The following FARP2 variants were observed in gnomAD, a reference collection of about 807,000 sequenced individuals.
FARP2 encodes FERM, ARH/RhoGEF and pleckstrin domain protein 2.
A neutral mutation model predicts 130.5 loss-of-function variants in FARP2; 111 were observed. The observed-to-expected ratio is 0.85, with a 90% CI of 0.73 to 1.00. The LOEUF is 1.00. Among genes scored for constraint, FARP2 ranks in the 50% least tolerant of loss-of-function variants. FARP2 has a pLI of 0.00. For missense variants in FARP2, 1,385 were observed against 1,346.3 expected, an observed-to-expected ratio of 1.03 and a Z score of -0.45; for synonymous variants, 504 against 516.9, an observed-to-expected ratio of 0.98 and a Z score of 0.34.
chr2:241,426,470 G>T (rs1188998716), intron 8 of FARP2, among the ~76,000 whole-genome samples: 1 of 152,176 alleles, frequency 6.6e-6, no homozygotes. Flanking sequence ...GGAGGGGTAG[G>T]TGTGAGGTAT....
chr2:241,413,180 T>C (rs1574771527), intron 6 of FARP2, 127 bp from the exon 7 acceptor site: 2 of 596,986 alleles, frequency 3.4e-6, no homozygotes, highest in East Asian at 2.8e-5. Flanking sequence ...AAATCTTGCT[T>C]TTTTAGGGAT....
Position 241,475,716 on chromosome 2 carries a change from C to T in FARP2, c.2132-141C>T, listed in dbSNP as rs889491832. ...CCCTGGTACCAAAAATGTTGGGGAC[C>T]GCTGCTATAAGGAGTCGAGTAGGAT... On this transcript the variant is annotated intron_variant, in intron 18 of 26. Transcript: ENST00000264042. This position sits in a 1 kb window ranked among gnomAD's most constrained non-coding sequence, Gnocchi z 4.4. 7 of 618,906 alleles carry T rather than the reference C, an allele frequency of 1.1e-5. No individual in the cohort carries two copies. The highest frequency in any genetic ancestry group is 1.9e-5 in the African/African-American group (1 of 52,026). The allele number at this position is 618,906 out of a possible 1,614,324, so 38.3% of individuals were successfully genotyped here. A position where few individuals can be genotyped will look rare whatever the true frequency, so the allele number is the denominator to read the frequency against.
At chr2:241,490,230 G>A (rs2064859018) in intron 22 of FARP2, among the ~76,000 whole-genome samples, 186 bp downstream of exon 22, 1 of 152,182 alleles carries the variant, frequency 6.6e-6, no homozygotes, top group African/African-American at 2.4e-5. Flanking sequence ...CTTGTCAGGG[G>A]CAGGGCTGCT....
intron 2 of FARP2, among the ~76,000 whole-genome samples, chr2:241,393,208 C>G (rs776767012): frequency 5.3e-5 from 8 of 151,902 alleles, no homozygotes; most frequent in Non-Finnish European, 7.4e-5. Flanking sequence ...TTAGTAGAGA[C>G]AGGGTTTCAC....
intron 17 of FARP2, among the ~76,000 whole-genome samples, chr2:241,467,057 C>G (rs1186176939): frequency 1.3e-5 from 2 of 151,646 alleles, no homozygotes; most frequent in Non-Finnish European, 2.9e-5. Context: ...GAGTTTGAAA[C>G]CAGCCTGGCC....
chr2:241,484,295 C>T lies in FARP2; in HGVS notation c.2385C>T (p.Phe795=). 6.2e-7 allele frequency: 1 copy of T among 1,614,170 alleles called. No individual in the cohort carries two copies. Among genetic ancestry groups the T allele is most frequent in the Non-Finnish European group, 8.5e-7 (1 of 1,180,004 alleles). Residue 795 remains phenylalanine, a synonymous_variant, in exon 21 of 27, where the codon TTC becomes TTT. Transcript: ENST00000264042. ...AAGGAGTTGCAGGGACCAGCCACTT[C>T]CGGATCCGGGGCCTCCTTCCCCTCC... The part of the protein sequence containing the change: ...TSKGVAGTSH[F]RIRGLLPLQG...
In FARP2 at chr2:241,491,079, G is replaced by T. The variant is rs761200903; in HGVS notation, c.2523G>T (p.Glu841Asp). 3 of 1,613,416 alleles carry T rather than the reference G, an allele frequency of 1.9e-6. No individual in the cohort carries two copies. The highest frequency in any genetic ancestry group is 2.5e-6 in the Non-Finnish European group (3 of 1,179,906). ...CCTGCAGCACTCGGCTGGAGAAAGA[G>T]AAGTGGATGCTGGACCTGAACTCCG... ...VVAASTRLEK[E>D]KWMLDLNSAI... The change falls in exon 23 of 27, where the codon GAG (glutamate) becomes GAT (aspartate). Residue 841 changes from glutamate (E) to aspartate (D), a missense_variant. Coordinates refer to ENST00000264042, the MANE Select transcript of FARP2 (RefSeq NM_014808.4).
At chr2:241,398,039 G>T (rs2150339363) in intron 2 of FARP2, among the ~76,000 whole-genome samples, 1 of 151,720 alleles carries the variant, frequency 6.6e-6, no homozygotes, top group African/African-American at 2.4e-5. Flanking sequence ...CACCATGTTA[G>T]CCAGGATGGT....
intron 2 of FARP2, among the ~76,000 whole-genome samples, chr2:241,381,711 C>G (rs574609379): frequency 6.6e-6 from 1 of 152,340 alleles, no homozygotes; most frequent in African/African-American, 2.4e-5. Flanking sequence ...ACAGTGATCT[C>G]TGTTCTTTGA....
At chr2:241,359,782 C>A (rs1217182581) in intron 1 of FARP2, among the ~76,000 whole-genome samples, 4 of 152,194 alleles carry the variant, frequency 2.6e-5, no homozygotes, top group Non-Finnish European at 5.9e-5. Flanking sequence ...GGGGTTGAGG[C>A]CGCTTGTGGA....
intron 8 of FARP2, among the ~76,000 whole-genome samples, chr2:241,421,698 A>G (rs2062813882): frequency 7.2e-6 from 1 of 138,084 alleles, no homozygotes; most frequent in South Asian, 2.4e-4. Context: ...TGGGCCAGCA[A>G]CAAGTCAGTA....
chr2:241,389,060 C>G (rs913467191), intron 2 of FARP2, among the ~76,000 whole-genome samples: 5 of 152,040 alleles, frequency 3.3e-5, no homozygotes, highest in African/African-American at 1.2e-4. Context: ...GTGGGCGGAT[C>G]ACTTGAGGTC....
Position 241,456,810 on chromosome 2 carries a change from CT to C in FARP2, c.1476del (p.Ala493HisfsTer17). ...CGGAAGAGCCCCCTGAGTCTGAGCCCTGCATTTCAGGTGCCTTTGGGCCCAG... is the reference window on the plus strand; with the variant it reads ...CGGAAGAGCCCCCTGAGTCTGAGCCCGCATTTCAGGTGCCTTTGGGCCCAG... Reference protein sequence around the residue: ...SSRKSPLSLSPAFQVPLGPAE... With the variant: ...SSRKSPLSLSXAFQVPLGPAE... On this transcript the variant is annotated frameshift_variant, in exon 14 of 27. Coordinates refer to ENST00000264042, the MANE Select transcript of FARP2 (RefSeq NM_014808.4). LOFTEE classifies it high-confidence loss of function. 6.2e-7 allele frequency: 1 copy of C among 1,614,142 alleles called. No homozygotes were observed. The highest frequency in any genetic ancestry group is 8.5e-7 in the Non-Finnish European group (1 of 1,180,002).
At chr2:241,388,573 A>G (rs1010411258) in intron 2 of FARP2, among the ~76,000 whole-genome samples, 2 of 152,240 alleles carry the variant, frequency 1.3e-5, no homozygotes, top group Non-Finnish European at 2.9e-5. Context: ...GAGAGAAAAT[A>G]TTTGCAAAAG....
At chr2:241,425,634 T>TAAAAAAAA (rs1167925220) in intron 8 of FARP2, among the ~76,000 whole-genome samples, 1 of 45,954 alleles carries the variant, frequency 2.2e-5, no homozygotes, top group African/African-American at 8.9e-5. Flanking sequence ...TCCTACCAAG[T>TAAAAAAAA]AAAAAAAAAA....
intron 18 of FARP2, among the ~76,000 whole-genome samples, chr2:241,469,877 GGTGCAAAACCTCT>G (rs2064263941): frequency 6.6e-6 from 1 of 152,220 alleles, no homozygotes. Context: ...TGTATAGACT[GGTGCAAAACCTCT>G]GTGAAGCTGT....
chr2:241,488,454 T>C (rs1011735815), intron 21 of FARP2: 6 of 150,824 alleles, frequency 4.0e-5, no homozygotes, highest in African/African-American at 1.5e-4. Flanking sequence ...TCTTGCTCTG[T>C]GTCCCAGGCT....
At chr2:241,460,352 G>A (rs1032635225) in intron 14 of FARP2, among the ~76,000 whole-genome samples, 4 of 152,178 alleles carry the variant, frequency 2.6e-5, no homozygotes, top group African/African-American at 9.6e-5. Context: ...TGCAGCCACA[G>A]CTCACTGCAG....
chr2:241,441,253 G>T (rs1341365063), intron 12 of FARP2, 51 bp from the exon 13 acceptor site: 1 of 1,517,058 alleles, frequency 6.6e-7, no homozygotes, highest in African/African-American at 1.4e-5. Flanking sequence ...ACTTCTAGTG[G>T]TAATTTGTAA....
Sources: gnomAD v4.1 joint callset for allele counts (sites outside exome capture counted in the v4.1 genomes callset) on GRCh38, gnomAD v4.1.1 for gene constraint, Gnocchi (gnomAD v3.1) non-coding constraint, MANE v1.5 for transcripts, NCBI Gene and HGNC (gene_info 2026-07-23, HGNC 2026-07-21) for gene names.